Variants in XKR6 observed in about 807,000 individuals in gnomAD.
XKR6 encodes XK-related protein 6.
XKR6 carries 22 observed loss-of-function variants against 56.7 expected under a neutral mutation model. The ratio of observed to expected loss-of-function variants is 0.39; its 90% CI spans 0.28 to 0.55. The LOEUF (loss-of-function observed/expected upper bound fraction) is 0.55, where lower values mean the gene tolerates loss of function less well. Ranked by LOEUF, XKR6 falls within the 20% of genes least tolerant of loss-of-function variation. XKR6 has a pLI of 0.66. For synonymous variants in XKR6, 524 were observed against 387.8 expected (o/e 1.35, Z -4.13); for missense variants, 852 against 889.0 (o/e 0.96, Z 0.53).
chr8:10,997,030 A>G (rs1798128715), intron 1 of XKR6, among the ~76,000 whole-genome samples: 1 of 152,192 alleles, frequency 6.6e-6, no homozygotes, highest in African/African-American at 2.4e-5. Context: ...CCTCTCCCAC[A>G]TCAACAAACA....
intron 1 of XKR6, among the ~76,000 whole-genome samples, chr8:11,132,639 C>A (rs111354099): frequency 6.6e-6 from 1 of 151,884 alleles, no homozygotes; most frequent in African/African-American, 2.4e-5. Context: ...TGGGATGACA[C>A]GTACGAGCCA....
chr8:11,085,161 A>C (rs2129170922), intron 1 of XKR6, among the ~76,000 whole-genome samples: 1 of 152,034 alleles, frequency 6.6e-6, no homozygotes, highest in African/African-American at 2.4e-5. Context: ...TTGTCACCCA[A>C]GAGCAGTTGG....
intron 1 of XKR6, among the ~76,000 whole-genome samples, chr8:11,075,443 C>G (rs1800248562): frequency 6.6e-6 from 1 of 152,196 alleles, no homozygotes; most frequent in African/African-American, 2.4e-5. Flanking sequence ...CAAAAGCTGA[C>G]TCTTCCCAGC....
intron 1 of XKR6, among the ~76,000 whole-genome samples, chr8:10,964,192 G>A (rs1802144821): frequency 6.6e-6 from 1 of 152,120 alleles, no homozygotes; most frequent in African/African-American, 2.4e-5. Flanking sequence ...AGCTTCTCCT[G>A]TATCCTGGGG....
At chr8:10,928,124 C>T (rs1393867174) in intron 1 of XKR6, among the ~76,000 whole-genome samples, 1 of 152,166 alleles carries the variant, frequency 6.6e-6, no homozygotes, top group African/African-American at 2.4e-5. Context: ...AGGTCTAGTC[C>T]AACCCCCACT....
intron 2 of XKR6, among the ~76,000 whole-genome samples, chr8:10,908,032 A>G (rs1283422874): frequency 6.6e-6 from 1 of 152,208 alleles, no homozygotes; most frequent in Non-Finnish European, 1.5e-5. Flanking sequence ...TGGACCATCA[A>G]GAGTCACTGA....
intron 1 of XKR6, among the ~76,000 whole-genome samples, chr8:11,019,844 C>G (rs573276537): frequency 6.6e-6 from 1 of 152,204 alleles, no homozygotes; most frequent in Non-Finnish European, 1.5e-5. Context: ...GCTGTACTTC[C>G]GTGTAAGCTC....
chr8:11,188,208 C>T (rs1247740113), intron 1 of XKR6, among the ~76,000 whole-genome samples: 1 of 152,126 alleles, frequency 6.6e-6, no homozygotes, highest in Non-Finnish European at 1.5e-5. Flanking sequence ...CATCCAAAAC[C>T]AGGTAACATG....
chr8:11,104,306 G>C (rs1349004515), intron 1 of XKR6, among the ~76,000 whole-genome samples: 2 of 152,172 alleles, frequency 1.3e-5, no homozygotes, highest in Non-Finnish European at 2.9e-5. Flanking sequence ...GGCATCCATT[G>C]AGGAAGAGTA....
rs778172698 is a variant in XKR6, at chr8:11,200,629, G to A, written c.711C>T (p.Ser237=). Residue 237 remains serine, a synonymous_variant, in exon 1 of 3, where the codon TCC becomes TCT. Transcript: ENST00000416569. The surrounding 1 kb of genome is among the most constrained non-coding windows in gnomAD (Gnocchi z 6.4). ...GGATGACCGACTGCCAGATCCACAC[G>A]GAGAGGCGACACAGGCGCTGCGCCC... ...TPGAQRLCRL[S]VWIWQSVIHL... 6.4e-7 allele frequency: 1 copy of A among 1,550,440 alleles called. No homozygotes were observed. The highest frequency in any genetic ancestry group is 8.6e-7 in the Non-Finnish European group (1 of 1,158,920).
intron 1 of XKR6, among the ~76,000 whole-genome samples, chr8:11,040,615 A>T (rs1224593923): frequency 6.6e-6 from 1 of 152,146 alleles, no homozygotes; most frequent in Non-Finnish European, 1.5e-5. Flanking sequence ...TGGGAGTCCA[A>T]GATGAAGGCA....
At chr8:11,075,028 A>C (rs1047277892) in intron 1 of XKR6, among the ~76,000 whole-genome samples, 2 of 152,196 alleles carry the variant, frequency 1.3e-5, no homozygotes, top group African/African-American at 4.8e-5. Flanking sequence ...AATGGCCCAC[A>C]GGACTTGGCT....
At chr8:11,091,957 C>A (rs1798085791) in intron 1 of XKR6, among the ~76,000 whole-genome samples, 1 of 152,162 alleles carries the variant, frequency 6.6e-6, no homozygotes, top group African/African-American at 2.4e-5. Context: ...ACAGATCCAC[C>A]ACAATCTCTT....
chr8:10,955,031 G>A (rs1586351273), intron 1 of XKR6, among the ~76,000 whole-genome samples: 1 of 152,102 alleles, frequency 6.6e-6, no homozygotes, highest in Admixed American at 6.5e-5. Flanking sequence ...ACCATGCCCA[G>A]CTAATTTTTG....
At chr8:11,173,073 C>T (rs1055978523) in intron 1 of XKR6, among the ~76,000 whole-genome samples, 2 of 151,930 alleles carry the variant, frequency 1.3e-5, no homozygotes, top group Non-Finnish European at 2.9e-5. Context: ...CGGTGGCTCA[C>T]GCCTGTAATC....
chr8:11,131,534 A>G (rs1742399910), intron 1 of XKR6, among the ~76,000 whole-genome samples: 1 of 152,178 alleles, frequency 6.6e-6, no homozygotes, highest in African/African-American at 2.4e-5. Context: ...TAAAAGCATA[A>G]AATTCAAAAA....
chr8:11,149,894 C>A (rs1221152861), intron 1 of XKR6, among the ~76,000 whole-genome samples: 2 of 152,220 alleles, frequency 1.3e-5, no homozygotes, highest in Admixed American at 1.3e-4. Context: ...AAATACTATT[C>A]AGCCACAGAA....
intron 1 of XKR6, among the ~76,000 whole-genome samples, chr8:11,026,649 A>G (rs1798872493): frequency 6.7e-6 from 1 of 150,172 alleles, no homozygotes; most frequent in South Asian, 2.2e-4. Flanking sequence ...TAGATGGTCT[A>G]GCCTACTAAA....
intron 1 of XKR6, among the ~76,000 whole-genome samples, chr8:11,085,871 G>A (rs1403703943): frequency 6.6e-6 from 1 of 152,192 alleles, no homozygotes; most frequent in African/African-American, 2.4e-5. Flanking sequence ...CACTCAGGGA[G>A]TCTGAGAATG....
Sources: allele counts gnomAD v4.1 joint callset (sites outside exome capture counted in the v4.1 genomes callset), GRCh38; gene constraint gnomAD v4.1.1; non-coding constraint Gnocchi (gnomAD v3.1); transcripts MANE v1.5; gene names NCBI Gene and HGNC (gene_info 2026-07-23, HGNC 2026-07-21).